Variants in AKAP9 observed in about 807,000 individuals in gnomAD.
AKAP9 encodes the protein A-kinase anchoring protein 9.
A neutral mutation model predicts 488.5 loss-of-function variants in AKAP9; 311 were observed. The ratio of observed to expected loss-of-function variants is 0.64; its 90% CI spans 0.58 to 0.70. The LOEUF (loss-of-function observed/expected upper bound fraction) is 0.70. AKAP9 is among the 30% of genes least tolerant of loss of function. AKAP9 has a pLI of 0.00. For synonymous variants in AKAP9, 1,462 were observed against 1,483.5 expected (o/e 0.99, Z 0.33); for missense variants, 4,215 against 4,374.5 (o/e 0.96, Z 1.03).
At chr7:92,039,873 G>A (rs1026640936) in intron 17 of AKAP9, among the ~76,000 whole-genome samples, 6 of 152,188 alleles carry the variant, frequency 3.9e-5, no homozygotes, top group Non-Finnish European at 7.3e-5. Flanking sequence ...TACTTGGGAG[G>A]CTGAGGCAGA....
At chr7:92,038,056 T>C (rs563641914) in intron 16 of AKAP9, among the ~76,000 whole-genome samples, 1 of 152,298 alleles carries the variant, frequency 6.6e-6, no homozygotes, top group East Asian at 1.9e-4. Context: ...TATCTATCTC[T>C]GCAAAGAAGA....
intron 1 of AKAP9, among the ~76,000 whole-genome samples, chr7:91,967,682 T>C (rs1217402151): frequency 6.6e-6 from 1 of 152,192 alleles, no homozygotes; most frequent in Non-Finnish European, 1.5e-5. Flanking sequence ...CTTTTTAATG[T>C]GTTGTTGAAT....
chr7:92,034,220 G>C (rs774382816), intron 16 of AKAP9, among the ~76,000 whole-genome samples: 1 of 151,832 alleles, frequency 6.6e-6, no homozygotes, highest in Non-Finnish European at 1.5e-5. Context: ...ACTCTAACAG[G>C]TGTCTTTAAG....
chr7:92,050,490 A>G (rs1441316635), intron 21 of AKAP9, among the ~76,000 whole-genome samples: 2 of 152,116 alleles, frequency 1.3e-5, no homozygotes, highest in Admixed American at 1.3e-4. Flanking sequence ...GAGTCTCCAT[A>G]GCATCTTCCC....
Position 92,097,233 on chromosome 7 carries a change from A to G in AKAP9, c.10274A>G (p.Gln3425Arg). 6.2e-7 allele frequency: 1 copy of G among 1,612,808 alleles called. No individual in the cohort carries two copies. Among genetic ancestry groups the G allele is most frequent in the Non-Finnish European group, 8.5e-7 (1 of 1,179,722 alleles). Residue 3425 changes from glutamine to arginine, a missense_variant, in exon 41 of 50, where the codon CAA (glutamine) becomes CGA (arginine). Around this residue, in one of 5 missense-constraint regions of AKAP9, gnomAD observed 1,476 missense variants for 1,477.4 expected, o/e 1.00. Coordinates refer to ENST00000356239, the MANE Select transcript of AKAP9 (RefSeq NM_005751.5). The stretch of plus-strand genomic sequence containing the variant: ...CGCCAGCTGGAAGAGAAAAGACAAC[A>G]AGTTTATAAGTTAGACCTTGAAGGA... Reference protein sequence around the residue: ...LQRQLEEKRQQVYKLDLEGQR... With the variant: ...LQRQLEEKRQRVYKLDLEGQR...
intron 39 of AKAP9, among the ~76,000 whole-genome samples, chr7:92,093,848 T>C (rs1816068022): frequency 6.6e-6 from 1 of 152,000 alleles, no homozygotes; most frequent in South Asian, 2.1e-4. Flanking sequence ...TTATTTTATT[T>C]TATTTTTATT....
chr7:91,983,020 T>A (rs1796625588), intron 3 of AKAP9, among the ~76,000 whole-genome samples: 2 of 152,138 alleles, frequency 1.3e-5, no homozygotes, highest in Non-Finnish European at 2.9e-5. Context: ...TTTGCCTGTT[T>A]TTTGATGGGG....
chr7:92,035,618 A>T (rs1300107056), intron 16 of AKAP9, among the ~76,000 whole-genome samples: 1 of 151,994 alleles, frequency 6.6e-6, no homozygotes, highest in Non-Finnish European at 1.5e-5. Flanking sequence ...GAAGAATGTG[A>T]ATTTTTTAAA....
chr7:91,979,223 G>C (rs1209114336), intron 2 of AKAP9, among the ~76,000 whole-genome samples: 2 of 152,142 alleles, frequency 1.3e-5, no homozygotes, highest in Non-Finnish European at 2.9e-5. Context: ...TAAAGAAAAA[G>C]AGGTTTAATG....
intron 3 of AKAP9, among the ~76,000 whole-genome samples, chr7:91,990,732 A>T (rs1330050816): frequency 6.6e-6 from 1 of 152,216 alleles, no homozygotes; most frequent in Non-Finnish European, 1.5e-5. Flanking sequence ...CTGATAACTG[A>T]TTCATGTAAT....
chr7:92,065,041 CTTG>C (rs1326477761), intron 24 of AKAP9, among the ~76,000 whole-genome samples, 187 bp from the exon 25 acceptor site: 1 of 151,138 alleles, frequency 6.6e-6, no homozygotes, highest in African/African-American at 2.4e-5. Context: ...TTAATAATTG[CTTG>C]TTTACTTATA....
At chr7:91,970,002 T>C (rs1036912782) in intron 1 of AKAP9, among the ~76,000 whole-genome samples, 6 of 152,212 alleles carry the variant, frequency 3.9e-5, no homozygotes, top group Non-Finnish European at 7.3e-5. Flanking sequence ...TCTTACTGTC[T>C]TTCTTTGAAG....
rs977446942 is a variant in AKAP9 at position 91,948,788 on chromosome 7, A to G, written c.48+7641A>G. Among the ~76,000 whole-genome samples, 13 of 150,866 alleles carry G rather than the reference A, an allele frequency of 8.6e-5. 2 individuals carry two copies. Among genetic ancestry groups the G allele is most frequent in the Non-Finnish European group, 1.5e-5 (1 of 67,850 alleles). Reference sequence around the variant, plus strand: ...CACCATGCCCGATTAATTTTTTTGTATTTTTAGCAGAGATGGGGTTTCACC... The same window carrying G: ...CACCATGCCCGATTAATTTTTTTGTGTTTTTAGCAGAGATGGGGTTTCACC... On this transcript the variant is annotated intron_variant, in intron 1 of 49. Transcript: ENST00000356239.
chr7:91,997,949 CAAATG>C (rs1402547348), intron 7 of AKAP9, among the ~76,000 whole-genome samples: 1 of 152,088 alleles, frequency 6.6e-6, no homozygotes, highest in East Asian at 1.9e-4. Context: ...ATTGGGGTCA[CAAATG>C]AAATGGTCTT....
intron 14 of AKAP9, among the ~76,000 whole-genome samples, chr7:92,025,785 A>G (rs1563003239): frequency 1.3e-5 from 2 of 152,242 alleles, no homozygotes; most frequent in Admixed American, 1.3e-4. Context: ...TAAATGAAAC[A>G]GTAACTGAGA....
chr7:92,098,959 C>T (rs1817092189), intron 43 of AKAP9, among the ~76,000 whole-genome samples: 1 of 152,146 alleles, frequency 6.6e-6, no homozygotes, highest in Admixed American at 6.5e-5. Context: ...AGTTACTAAA[C>T]ATTTTTCCCT....
At chr7:92,096,343 T>G (rs550979734) in intron 40 of AKAP9, among the ~76,000 whole-genome samples, 2 of 149,320 alleles carry the variant, frequency 1.3e-5, no homozygotes, top group East Asian at 1.9e-4. Context: ...TGTTTTTTTT[T>G]TTTTTTTTGA....
intron 3 of AKAP9, among the ~76,000 whole-genome samples, chr7:91,980,986 A>G (rs1796341515): frequency 6.6e-6 from 1 of 152,200 alleles, no homozygotes; most frequent in Non-Finnish European, 1.5e-5. Context: ...GTAGGTTTCT[A>G]ATAGGAAAAA....
chr7:92,065,991 T>C (rs1041358043), intron 25 of AKAP9, among the ~76,000 whole-genome samples: 33 of 152,192 alleles, frequency 2.2e-4, no homozygotes, highest in Non-Finnish European at 7.4e-5. Context: ...AATCAGATTC[T>C]TACTCATTTT....
Sources: allele counts gnomAD v4.1 joint callset (sites outside exome capture counted in the v4.1 genomes callset), GRCh38; gene constraint gnomAD v4.1.1; regional missense constraint gnomAD v4.1.1; transcripts MANE v1.5; gene names NCBI Gene and HGNC (gene_info 2026-07-23, HGNC 2026-07-21).